PDGFRA: variants seen among roughly 807,000 people sequenced by gnomAD.
PDGFRA encodes the protein platelet derived growth factor receptor alpha.
PDGFRA carries 25 observed loss-of-function variants against 121.5 expected under a neutral mutation model. That is an observed-to-expected ratio of 0.21 (90% confidence interval 0.15 to 0.29). The LOEUF (loss-of-function observed/expected upper bound fraction) is 0.29, where lower values mean the gene tolerates loss of function less well. Among genes scored for constraint, PDGFRA ranks in the 10% least tolerant of loss-of-function variants. The pLI is 1.00. For missense variants in PDGFRA, 1,008 were observed against 1,345.1 expected (o/e 0.75, Z 3.92); for synonymous variants, 463 against 494.8 (o/e 0.94, Z 0.85).
At chr4:54,232,127 G>A (rs1337748760) in intron 1 of PDGFRA, among the ~76,000 whole-genome samples, 2 of 152,236 alleles carry the variant, frequency 1.3e-5, no homozygotes, top group African/African-American at 2.4e-5. Flanking sequence ...GTGGAAAAGT[G>A]ACAATTCTAG....
Position 54,257,555 on chromosome 4 carries a change from G to T in PDGFRA, c.-12-1202G>T, listed in dbSNP as rs181974261. Among the ~76,000 whole-genome samples the T allele has an allele frequency of 3.0e-3, 463 of 152,262 alleles. 1 individual carries two copies. The highest frequency in any genetic ancestry group is 5.5e-3 in the Non-Finnish European group (373 of 68,018). Reference sequence around the variant, plus strand: ...CATCCCAGGCCAAGACTAACATGGTGATTTTTGGGGGGTTATGTTAAAACT... The same window carrying T: ...CATCCCAGGCCAAGACTAACATGGTTATTTTTGGGGGGTTATGTTAAAACT... On this transcript the variant is annotated intron_variant, in intron 1 of 22. Coordinates refer to ENST00000257290, the MANE Select transcript of PDGFRA (RefSeq NM_006206.6).
chr4:54,257,755 AG>A (rs1722452704), intron 1 of PDGFRA, among the ~76,000 whole-genome samples: 1 of 152,198 alleles, frequency 6.6e-6, no homozygotes. Context: ...AATGGGGAAG[AG>A]ATAAAGAAGA....
At chr4:54,274,021 C>A (rs899901774) in intron 10 of PDGFRA, among the ~76,000 whole-genome samples, 11 of 152,174 alleles carry the variant, frequency 7.2e-5, no homozygotes, top group African/African-American at 2.7e-4. Flanking sequence ...GCAGAGGCCC[C>A]TCAACATTTT....
rs1312913592 is a variant in PDGFRA at position 54,297,822 on chromosome 4, C to T, written c.*2550C>T. 8.6e-6 allele frequency: 2 copies of T among 233,406 alleles called. No homozygotes were observed. Among genetic ancestry groups the T allele is most frequent in the Non-Finnish European group, 1.7e-5 (2 of 118,022 alleles). 14.5% of individuals were successfully genotyped at this position (233,406 alleles called of 1,614,324 possible). A position where few individuals can be genotyped will look rare whatever the true frequency, so the allele number is the denominator to read the frequency against. ...TGACTTTTTAAACGATTAGTGATGT[C>T]CTTAAAATGTGGTCTGCCAATCTGT... is the stretch of plus-strand genomic sequence containing the variant. On this transcript the variant is annotated 3_prime_UTR_variant, in exon 23 of 23. Coordinates refer to ENST00000257290, the MANE Select transcript of PDGFRA (RefSeq NM_006206.6).
chr4:54,288,760 G>A, intron 19 of PDGFRA, 39 bp from the exon 20 acceptor site: 3 of 1,101,708 alleles, frequency 2.7e-6, no homozygotes, highest in Non-Finnish European at 4.2e-6. Flanking sequence ...AATGCACTGA[G>A]CGTTTGTTAG....
chr4:54,274,769 T>G (rs2110298471), intron 11 of PDGFRA, 72 bp from the exon 12 acceptor site: 1 of 1,554,114 alleles, frequency 6.4e-7, no homozygotes, highest in South Asian at 1.1e-5. Context: ...CCAGTCACTG[T>G]GCTGCTTCAG....
chr4:54,270,813 G>T, intron 8 of PDGFRA, 65 bp downstream of exon 8: 1 of 923,034 alleles, frequency 1.1e-6, no homozygotes. Flanking sequence ...GGAAAGCCTG[G>T]CACTTTTCTC....
chr4:54,245,982 G>C (rs949736763), intron 1 of PDGFRA, among the ~76,000 whole-genome samples: 8 of 152,180 alleles, frequency 5.3e-5, no homozygotes, highest in African/African-American at 1.9e-4. Context: ...ATTACATAAT[G>C]GTAAAGGGAT....
Position 54,278,519 on chromosome 4 carries a change from G to C in PDGFRA, c.2156+4G>C, listed in dbSNP as rs1723885245. On this transcript the variant is annotated splice_donor_region_variant and intron_variant, in intron 15 of 22. Coordinates refer to ENST00000257290, the MANE Select transcript of PDGFRA (RefSeq NM_006206.6). ...CTGCTGATGAAAGCACACGGAGGTG[G>C]GTGCAAAGAGAGATGTTGCTGTCTA... 5 of 1,613,634 alleles carry C rather than the reference G, an allele frequency of 3.1e-6. No homozygotes were observed. The highest frequency in any genetic ancestry group is 4.2e-6 in the Non-Finnish European group (5 of 1,179,630).
chr4:54,277,306 G>C, intron 12 of PDGFRA, 82 bp from the exon 13 acceptor site: 1 of 921,534 alleles, frequency 1.1e-6, no homozygotes, highest in South Asian at 1.3e-5. Flanking sequence ...CCAGCTGTCC[G>C]CCCGCAGAGA....
intron 1 of PDGFRA, among the ~76,000 whole-genome samples, chr4:54,241,513 A>G (rs1024250044): frequency 4.1e-5 from 6 of 145,130 alleles, no homozygotes. Flanking sequence ...AACTGAAAGG[A>G]AATTTATTTA....
In PDGFRA at chr4:54,277,951, T is replaced by G. The variant is rs1723828689; in HGVS notation, c.1947T>G (p.Thr649=). 1 of 1,613,974 alleles carries G rather than the reference T, an allele frequency of 6.2e-7. No individual in the cohort carries two copies. The highest frequency in any genetic ancestry group is 8.5e-7 in the Non-Finnish European group (1 of 1,179,850). Residue 649 remains threonine, a synonymous_variant, in exon 14 of 23, where the codon ACT becomes ACG. Coordinates refer to ENST00000257290, the MANE Select transcript of PDGFRA (RefSeq NM_006206.6). ...QALMSELKIM[T]HLGPHLNIVN... is the part of the protein sequence containing the mutation. Reference sequence around the variant, plus strand: ...TCATGTCTGAACTGAAGATAATGACTCACCTGGGGCCACATTTGAACATTG... The same window carrying G: ...TCATGTCTGAACTGAAGATAATGACGCACCTGGGGCCACATTTGAACATTG...
intron 8 of PDGFRA, 138 bp downstream of exon 8, chr4:54,270,886 G>T: frequency 1.4e-6 from 1 of 690,782 alleles, no homozygotes; most frequent in Non-Finnish European, 2.7e-6. Flanking sequence ...TCACATATCG[G>T]GAATACCTCT....
At chr4:54,269,860 G>C (rs12508225) in intron 7 of PDGFRA, among the ~76,000 whole-genome samples, 26,935 of 150,470 alleles carry the variant, frequency 0.18, 2,896 homozygotes, top group Admixed American at 0.29. Flanking sequence ...CCATGTTTGT[G>C]AGGCTGGTCT....
chr4:54,277,296 C>T (rs1393669558), intron 12 of PDGFRA, 92 bp from the exon 13 acceptor site: 3 of 864,442 alleles, frequency 3.5e-6, no homozygotes, highest in Non-Finnish European at 6.0e-6. Context: ...AGACACTCGC[C>T]CAGCTGTCCG....
intron 22 of PDGFRA, among the ~76,000 whole-genome samples, chr4:54,294,368 A>G (rs1222961646): frequency 6.6e-6 from 1 of 152,130 alleles, no homozygotes; most frequent in African/African-American, 2.4e-5. Context: ...TTTTATATAA[A>G]GTTAGAAAGT....
Position 54,290,451 on chromosome 4 carries a change from C to T in PDGFRA, c.3019C>T (p.Leu1007=), listed in dbSNP as rs1348842755. The T allele has an allele frequency of 2.5e-6, 4 of 1,614,012 alleles. No individual in the cohort carries two copies. The highest frequency in any genetic ancestry group is 3.4e-6 in the Non-Finnish European group (4 of 1,179,870). ...CAAGCTGAAGGACTGGGAGGGTGGT[C>T]TGGATGAGCAGAGACTGAGCGCTGA... is the stretch of plus-strand genomic sequence containing the variant. ...EDKLKDWEGG[L]DEQRLSADSG... The change falls in exon 22 of 23, where the codon CTG becomes TTG. Residue 1007 remains leucine (L), a synonymous_variant. Coordinates refer to ENST00000257290, the MANE Select transcript of PDGFRA (RefSeq NM_006206.6).
At chr4:54,247,354 CA>C (rs1301904495) in intron 1 of PDGFRA, among the ~76,000 whole-genome samples, 4 of 152,158 alleles carry the variant, frequency 2.6e-5, no homozygotes, top group African/African-American at 9.7e-5. Context: ...AGCAGCACAT[CA>C]AAAAGCTTAT....
At chr4:54,236,479 T>C (rs1721016982) in intron 1 of PDGFRA, among the ~76,000 whole-genome samples, 1 of 152,222 alleles carries the variant, frequency 6.6e-6, no homozygotes, top group Admixed American at 6.5e-5. Context: ...ATGAGTAAAC[T>C]GTCTGAGTTA....
Sources: gnomAD v4.1 joint callset for allele counts (sites outside exome capture counted in the v4.1 genomes callset) on GRCh38, gnomAD v4.1.1 for gene constraint, MANE v1.5 for transcripts, NCBI Gene and HGNC (gene_info 2026-07-23, HGNC 2026-07-21) for gene names.